The following WAPL variants were observed in gnomAD, a reference collection of about 807,000 sequenced individuals.
WAPL encodes the protein WAPL cohesin release factor.
Under a neutral mutation model 121.0 loss-of-function variants are expected in WAPL, and 5 were observed. That is an observed-to-expected ratio of 0.04 (90% CI 0.02 to 0.09). WAPL has a LOEUF of 0.09. Among genes scored for constraint, WAPL ranks in the 10% least tolerant of loss-of-function variants. The pLI is 1.00. For missense variants in WAPL, 999 were observed against 1,410.8 expected (o/e 0.71, Z 4.68); for synonymous variants, 480 against 481.5 (o/e 1.00, Z 0.04).
intron 15 of WAPL, among the ~76,000 whole-genome samples, chr10:86,449,737 G>A (rs1337256790): frequency 6.6e-6 from 1 of 152,062 alleles, no homozygotes; most frequent in Non-Finnish European, 1.5e-5. Context: ...TTCATTTCTA[G>A]GTTCCATTTG....
intron 4 of WAPL, among the ~76,000 whole-genome samples, chr10:86,484,234 G>A (rs531235895): frequency 1.3e-5 from 2 of 152,152 alleles, no homozygotes; most frequent in Non-Finnish European, 1.5e-5. Context: ...AGTGCCTCAC[G>A]TCTGTAATCC....
At chr10:86,452,726 T>C (rs900927354) in intron 14 of WAPL, among the ~76,000 whole-genome samples, 4 of 151,896 alleles carry the variant, frequency 2.6e-5, no homozygotes, top group Non-Finnish European at 4.4e-5. Context: ...GGTCTTTTCA[T>C]GGCTTTCTTT....
chr10:86,481,628 A>G (rs1841790285), intron 4 of WAPL, among the ~76,000 whole-genome samples: 2 of 152,118 alleles, frequency 1.3e-5, no homozygotes, highest in South Asian at 4.1e-4. Flanking sequence ...CTGCTTTGGC[A>G]TCCCAAAGAG....
intron 4 of WAPL, among the ~76,000 whole-genome samples, chr10:86,487,990 A>G (rs1841963634): frequency 6.6e-6 from 1 of 152,226 alleles, no homozygotes; most frequent in Non-Finnish European, 1.5e-5. Context: ...AGACTATGTC[A>G]GCAGAACTAA....
rs531404303 is a variant in WAPL at position 86,505,300 on chromosome 10, C to CTTTTTTTTTTTTTTTTTTT, written c.500-4576_500-4558dup. Reference sequence around the variant, plus strand: ...CAAGCTTCAGCCACAGTGCCCAACTCTTTTTTTTTTTTTTTTTTTTTTTTT... The same window carrying CTTTTTTTTTTTTTTTTTTT: ...CAAGCTTCAGCCACAGTGCCCAACTCTTTTTTTTTTTTTTTTTTTTTTTTTTTTTTTTTTTTTTTTTTTT... On this transcript the variant is annotated intron_variant, in intron 2 of 18. Coordinates refer to ENST00000298767, the MANE Select transcript of WAPL (RefSeq NM_015045.5). Among the ~76,000 whole-genome samples the CTTTTTTTTTTTTTTTTTTT allele has an allele frequency of 2.6e-3, 116 of 44,646 alleles. 23 individuals are homozygous for CTTTTTTTTTTTTTTTTTTT. The highest frequency in any genetic ancestry group is 4.1e-3 in the Non-Finnish European group (101 of 24,344). The allele number at this position is 44,646 out of a possible 152,430, so 29.3% of individuals were successfully genotyped here. A position where few individuals can be genotyped will look rare whatever the true frequency, so the allele number is the denominator to read the frequency against.
intron 16 of WAPL, among the ~76,000 whole-genome samples, chr10:86,444,892 C>CAAAAAAAAAAAAAA (rs35307250): frequency 1.5e-5 from 1 of 68,192 alleles, no homozygotes; most frequent in Non-Finnish European, 2.8e-5. Context: ...GTTATTACGC[C>CAAAAAAAAAAAAAA]AAAAAAAAAA....
At chr10:86,438,088 G>A in intron 17 of WAPL, 73 bp from the exon 18 acceptor site, 1 of 1,134,292 alleles carries the variant, frequency 8.8e-7, no homozygotes, top group Admixed American at 2.0e-5. Context: ...AATGTTGTTG[G>A]TTTTGACACA....
At chr10:86,477,860 A>T (rs1478757030) in intron 4 of WAPL, among the ~76,000 whole-genome samples, 1 of 151,932 alleles carries the variant, frequency 6.6e-6, no homozygotes, top group Admixed American at 6.6e-5. Context: ...TGGGCGGATC[A>T]CTTGAGGTCA....
chr10:86,454,512 G>A (rs1589499220), intron 12 of WAPL, among the ~76,000 whole-genome samples: 1 of 152,318 alleles, frequency 6.6e-6, no homozygotes, highest in African/African-American at 2.4e-5. Context: ...CTAGTGCCTG[G>A]GACTGCAGGC....
intron 2 of WAPL, among the ~76,000 whole-genome samples, chr10:86,509,180 T>C (rs1842409326): frequency 6.6e-6 from 1 of 152,224 alleles, no homozygotes; most frequent in African/African-American, 2.4e-5. Context: ...CAAGGCTTCT[T>C]ATCTCAGCTC....
chr10:86,469,883 A>G (rs556606241), intron 8 of WAPL, among the ~76,000 whole-genome samples: 2 of 152,252 alleles, frequency 1.3e-5, no homozygotes, highest in South Asian at 4.1e-4. Flanking sequence ...AACAAAGCAA[A>G]CGAATTCTCT....
In WAPL at chr10:86,473,903, G is replaced by A. The variant is rs1251404902; in HGVS notation, c.1715C>T (p.Pro572Leu). 6.2e-7 allele frequency: 1 copy of A among 1,613,782 alleles called. No homozygotes were observed. Among genetic ancestry groups the A allele is most frequent in the East Asian group, 2.2e-5 (1 of 44,868 alleles). Residue 572 changes from proline to leucine, a missense_variant, in exon 5 of 19, where the codon CCA (proline) becomes CTA (leucine). Transcript: ENST00000298767. ...TGTGACACTCTGAGGTTTTACTACT[G>A]GTGGCCCAGGCAGTTCTTCTGAATC... ...HPDSEELPGP[P>L]VVKPQSVTVR... is the part of the protein sequence containing the mutation.
chr10:86,474,833 A>G (rs1406112887), intron 4 of WAPL, among the ~76,000 whole-genome samples: 1 of 152,248 alleles, frequency 6.6e-6, no homozygotes, highest in African/African-American at 2.4e-5. Context: ...ATCTTCCAAC[A>G]ATGGGAATCC....
intron 15 of WAPL, among the ~76,000 whole-genome samples, chr10:86,448,355 G>A (rs1378092718): frequency 6.6e-6 from 1 of 152,160 alleles, no homozygotes; most frequent in Admixed American, 6.5e-5. Flanking sequence ...GGAGGCTGAG[G>A]TGAAAGGATC....
chr10:86,453,473 G>A (rs1841050775), intron 13 of WAPL, 138 bp from the exon 14 acceptor site: 1 of 1,187,152 alleles, frequency 8.4e-7, no homozygotes, highest in Non-Finnish European at 1.2e-6. Flanking sequence ...ATACTTCTGG[G>A]TCAAGCTACT....
rs758950127 is a variant in WAPL at position 86,446,283 on chromosome 10, T to A, written c.3281A>T (p.His1094Leu). ...TEKTDGTEEK[H>L]KKEEEDEELD... ...TTCTTCATCCTCCTCCTCCTTCTTA[T>A]GTTTCTCTTCTGTACCATCAGTCTT... The change falls in exon 16 of 19, where the codon CAT becomes CTT. Residue 1094 changes from histidine (H) to leucine (L), a missense_variant. By Grantham distance (99) the His-to-Leu change is moderately conservative. Around this residue, in one of 7 missense-constraint regions of WAPL, gnomAD observed 126 missense variants for 144.0 expected, o/e 0.87. Coordinates refer to ENST00000298767, the MANE Select transcript of WAPL (RefSeq NM_015045.5). The A allele has an allele frequency of 1.2e-5, 20 of 1,614,070 alleles. No homozygotes were observed. The highest frequency in any genetic ancestry group is 1.7e-5 in the Non-Finnish European group (20 of 1,180,036).
Position 86,453,713 on chromosome 10 carries a change from C to T in WAPL, c.2776G>A (p.Val926Met). ...QNVTNHVGKA[V>M]EDCMRAIIGV... ...ATGATGGCCCTCATGCAGTCCTCCA[C>T]TGCTTTGCCTACATGGTTAGTTACA... Residue 926 changes from valine (V) to methionine (M), a missense_variant, in exon 13 of 19, where the codon GTG becomes ATG. Coordinates refer to ENST00000298767, the MANE Select transcript of WAPL (RefSeq NM_015045.5). 3 of 1,614,082 alleles carry T rather than the reference C, an allele frequency of 1.9e-6. No individual in the cohort carries two copies. Among genetic ancestry groups the T allele is most frequent in the Non-Finnish European group, 8.5e-7 (1 of 1,179,990 alleles).
At chr10:86,452,169 A>T in intron 14 of WAPL, 38 bp from the exon 15 acceptor site, 1 of 1,592,920 alleles carries the variant, frequency 6.3e-7, no homozygotes, top group Non-Finnish European at 8.6e-7. Context: ...ATCAGAGATG[A>T]GTACTTAAAA....
intron 2 of WAPL, among the ~76,000 whole-genome samples, chr10:86,503,776 T>C (rs2132224057): frequency 6.7e-6 from 1 of 148,800 alleles, no homozygotes; most frequent in African/African-American, 2.5e-5. Flanking sequence ...AATACACACA[T>C]GAAAAATGCT....
Sources: gnomAD v4.1 joint callset for allele counts (sites outside exome capture counted in the v4.1 genomes callset) on GRCh38, gnomAD v4.1.1 for gene constraint, gnomAD v4.1.1 regional missense constraint, MANE v1.5 for transcripts, NCBI Gene and HGNC (gene_info 2026-07-23, HGNC 2026-07-21) for gene names.